STARD9: variants seen among roughly 807,000 people sequenced by gnomAD.
STARD9 encodes stAR-related lipid transfer protein 9.
STARD9 carries 346 observed loss-of-function variants against 399.8 expected under a neutral mutation model. The observed-to-expected ratio is 0.87, with a 90% CI of 0.79 to 0.95. The LOEUF (loss-of-function observed/expected upper bound fraction) is 0.95. Among genes scored for constraint, STARD9 ranks in the 40% least tolerant of loss-of-function variants. The pLI is 0.00. For synonymous variants in STARD9, 2,203 were observed against 2,143.5 expected, an observed-to-expected ratio of 1.03 and a Z score of -0.77; for missense variants, 5,832 against 5,667.5, an observed-to-expected ratio of 1.03 and a Z score of -0.93.
intron 3 of STARD9, among the ~76,000 whole-genome samples, chr15:42,613,356 G>T (rs544475476): frequency 1.5e-4 from 23 of 152,028 alleles, no homozygotes; most frequent in Non-Finnish European, 2.9e-4. Flanking sequence ...AGCAAAGAGG[G>T]GATATTTTAG....
intron 26 of STARD9, among the ~76,000 whole-genome samples, chr15:42,704,443 A>G (rs2061031905): frequency 6.6e-6 from 1 of 152,188 alleles, no homozygotes; most frequent in Non-Finnish European, 1.5e-5. Context: ...ATATCTGGGC[A>G]TTGAAGAAAT....
At chr15:42,674,059 G>A in intron 16 of STARD9, 1 of 445,384 alleles carries the variant, frequency 2.2e-6, no homozygotes, top group Non-Finnish European at 4.5e-6. Context: ...TGCCCCTTAG[G>A]GAAAAGCCAT....
At chr15:42,627,723 G>A (rs931986125) in intron 3 of STARD9, among the ~76,000 whole-genome samples, 9 of 152,072 alleles carry the variant, frequency 5.9e-5, no homozygotes, top group African/African-American at 2.2e-4. Flanking sequence ...AATGTAATGT[G>A]TTCCAGTTCT....
intron 26 of STARD9, among the ~76,000 whole-genome samples, chr15:42,713,833 T>C (rs2061297736): frequency 6.6e-6 from 1 of 152,188 alleles, no homozygotes; most frequent in Non-Finnish European, 1.5e-5. Context: ...TAAGGGATAT[T>C]ACTCTATAGT....
chr15:42,584,222 C>A (rs749852616), intron 2 of STARD9, among the ~76,000 whole-genome samples: 1 of 152,110 alleles, frequency 6.6e-6, no homozygotes, highest in Non-Finnish European at 1.5e-5. Context: ...CCAGTCTTCA[C>A]AGTCATGCCT....
intron 9 of STARD9, among the ~76,000 whole-genome samples, chr15:42,655,667 A>G (rs1464429219): frequency 6.6e-6 from 1 of 152,252 alleles, no homozygotes. Context: ...CCTTCTAGAC[A>G]TTGGCTTAGG....
At chr15:42,596,019 T>C (rs903961931) in intron 3 of STARD9, among the ~76,000 whole-genome samples, 3 of 152,230 alleles carry the variant, frequency 2.0e-5, no homozygotes, top group Non-Finnish European at 4.4e-5. Flanking sequence ...TTGACAATGT[T>C]TGCTGCTCGT....
At chr15:42,701,875 T>TC (rs201119685) in intron 26 of STARD9, among the ~76,000 whole-genome samples, 1,538 of 151,126 alleles carry the variant, frequency 0.01, 28 homozygotes, top group African/African-American at 0.036. Context: ...GCACCTGTAA[T>TC]CCTAGCTTCC....
At position 42,575,677 on chromosome 15, in the gene STARD9, C is replaced by T. The variant is rs370295021; in HGVS notation, c.-39C>T. ...TTAGGGCGGGGGCCTGGGATGCTGC[C>T]GCTGAGCTGACCCGCTGGACTTGGG... On this transcript the variant is annotated 5_prime_UTR_variant, in exon 1 of 33. Coordinates refer to ENST00000290607, the MANE Select transcript of STARD9 (RefSeq NM_020759.3). 5 of 1,534,920 alleles carry T rather than the reference C, an allele frequency of 3.3e-6. No individual in the cohort carries two copies. Among genetic ancestry groups the T allele is most frequent in the East Asian group, 2.4e-5 (1 of 40,914 alleles).
At chr15:42,717,101 G>T in intron 28 of STARD9, 53 bp downstream of exon 28, 1 of 1,528,494 alleles carries the variant, frequency 6.5e-7, no homozygotes, top group South Asian at 1.2e-5. Flanking sequence ...GACCTCTGCT[G>T]GGTGTGCAGG....
rs780110889 is a variant in STARD9, at chr15:42,691,905, G to A, written c.10327G>A (p.Val3443Ile). ...AQQGKREKLG[V>I]QVRPENWCSQ... is the part of the protein sequence containing the mutation. ...ACAGGGAAAGCGAGAGAAACTGGGT[G>A]TCCAGGTTAGGCCAGAAAATTGGTG... Residue 3443 changes from valine to isoleucine, a missense_variant, in exon 23 of 33, where the codon GTC becomes ATC. Physicochemically the swap from Val to Ile is conservative, Grantham distance 29. This residue lies in a region of STARD9 where 5,828 missense variants were observed against 5,651.1 expected (regional missense o/e 1.03). Coordinates refer to ENST00000290607, the MANE Select transcript of STARD9 (RefSeq NM_020759.3). 2 of 1,537,284 alleles carry A rather than the reference G, an allele frequency of 1.3e-6. No individual in the cohort carries two copies. The highest frequency in any genetic ancestry group is 1.7e-6 in the Non-Finnish European group (2 of 1,146,924).
rs188518430 is a variant in STARD9 at position 42,603,517 on chromosome 15, C to A, written c.234+17880C>A. 1.4e-3 allele frequency among the ~76,000 whole-genome samples: 209 copies of A among 152,046 alleles called. 1 individual carries two copies. The highest frequency in any genetic ancestry group is 4.5e-3 in the African/African-American group (188 of 41,466). On this transcript the variant is annotated intron_variant, in intron 3 of 32. Coordinates refer to ENST00000290607, the MANE Select transcript of STARD9 (RefSeq NM_020759.3). ...AGATTACAAGGTTCTTGCCTGCTGC[C>A]CCATAGAGCCAATTTACCGAGACAG...
At chr15:42,638,633 T>C in intron 6 of STARD9, 67 bp from the exon 7 acceptor site, 1 of 1,135,936 alleles carries the variant, frequency 8.8e-7, no homozygotes, top group Non-Finnish European at 1.2e-6. Flanking sequence ...CTCCTGATTT[T>C]TAGCTCAATG....
chr15:42,628,188 A>G (rs2059263293), intron 3 of STARD9, among the ~76,000 whole-genome samples: 1 of 152,174 alleles, frequency 6.6e-6, no homozygotes, highest in Admixed American at 6.5e-5. Flanking sequence ...ATGATCAGTG[A>G]TGTTAATATA....
At chr15:42,646,160 TCAA>T (rs544510397) in intron 7 of STARD9, among the ~76,000 whole-genome samples, 8 of 151,914 alleles carry the variant, frequency 5.3e-5, no homozygotes, top group African/African-American at 7.3e-5. Context: ...AAACTCCGTC[TCAA>T]CAACAACAAC....
In STARD9 at chr15:42,692,388, C is replaced by T; in HGVS notation, c.10810C>T (p.Pro3604Ser). The T allele has an allele frequency of 2.6e-6, 4 of 1,536,952 alleles. No individual in the cohort carries two copies. The highest frequency in any genetic ancestry group is 3.5e-6 in the Non-Finnish European group (4 of 1,146,894). Residue 3604 changes from proline (P) to serine (S), a missense_variant, in exon 23 of 33, where the codon CCC (proline) becomes TCC (serine). Around this residue, in one of 2 missense-constraint regions of STARD9, gnomAD observed 5,828 missense variants for 5,651.1 expected, o/e 1.03. Coordinates refer to ENST00000290607, the MANE Select transcript of STARD9 (RefSeq NM_020759.3). ...SGEADCLRSK[P>S]PLAKGSAAGP... ...TGAAGCAGACTGTCTGAGGAGTAAGCCCCCCTTGGCCAAAGGAAGTGCTGC... is the reference window on the plus strand; with the variant it reads ...TGAAGCAGACTGTCTGAGGAGTAAGTCCCCCTTGGCCAAAGGAAGTGCTGC...
At chr15:42,594,311 G>A (rs551935087) in intron 3 of STARD9, among the ~76,000 whole-genome samples, 1 of 152,278 alleles carries the variant, frequency 6.6e-6, no homozygotes, top group South Asian at 2.1e-4. Context: ...ATTCAGTAAA[G>A]GAATGTTGAT....
At chr15:42,664,004 T>C in intron 13 of STARD9, 87 bp downstream of exon 13, 1 of 902,030 alleles carries the variant, frequency 1.1e-6, no homozygotes, top group Non-Finnish European at 1.7e-6. Context: ...TTTCTCTTTG[T>C]ACTCACCTCA....
chr15:42,636,606 G>C (rs1345263641), intron 4 of STARD9, among the ~76,000 whole-genome samples: 1 of 151,910 alleles, frequency 6.6e-6, no homozygotes, highest in Non-Finnish European at 1.5e-5. Flanking sequence ...AAGAGACCCT[G>C]TCTCTAAAAG....
Sources: allele counts gnomAD v4.1 joint callset (sites outside exome capture counted in the v4.1 genomes callset), GRCh38; gene constraint gnomAD v4.1.1; regional missense constraint gnomAD v4.1.1; transcripts MANE v1.5; gene names NCBI Gene and HGNC (gene_info 2026-07-23, HGNC 2026-07-21).